The following AHI1 variants were observed in gnomAD, a reference collection of about 807,000 sequenced individuals.
The protein encoded by AHI1 is Abelson helper integration site 1.
AHI1 carries 123 observed loss-of-function variants against 149.3 expected under a neutral mutation model. That is an observed-to-expected ratio of 0.82 (90% confidence interval 0.71 to 0.96). AHI1 has a LOEUF of 0.96. AHI1 is among the 40% of genes least tolerant of loss of function. The pLI, the probability that AHI1 is intolerant of heterozygous loss-of-function variation, is 0.00. For missense variants in AHI1, 1,439 were observed against 1,422.7 expected, an observed-to-expected ratio of 1.01 and a Z score of -0.18; for synonymous variants, 475 against 459.8, an observed-to-expected ratio of 1.03 and a Z score of -0.42.
At chr6:135,429,026 A>G (rs2128010222) in intron 18 of AHI1, among the ~76,000 whole-genome samples, 1 of 151,824 alleles carries the variant, frequency 6.6e-6, no homozygotes, top group African/African-American at 2.4e-5. Context: ...AAAGAAAAAC[A>G]GAAGAGTTCT....
intron 26 of AHI1, chr6:135,302,962 A>G (rs1784074731): frequency 1.1e-5 from 5 of 449,238 alleles, no homozygotes; most frequent in Admixed American, 4.2e-5. Context: ...CTCTTCATGG[A>G]TATCATTGAT....
At chr6:135,302,554 C>A in intron 26 of AHI1, 1 of 1,102,574 alleles carries the variant, frequency 9.1e-7, no homozygotes, top group Non-Finnish European at 1.1e-6. Flanking sequence ...ACTGGCATAC[C>A]CAAATCCTTT....
At chr6:135,473,307 T>C (rs1009010228) in intron 5 of AHI1, among the ~76,000 whole-genome samples, 1 of 152,178 alleles carries the variant, frequency 6.6e-6, no homozygotes, top group African/African-American at 2.4e-5. Context: ...CTGATTTATA[T>C]GCCTATCTTT....
chr6:135,446,884 G>A (rs1562790789), intron 13 of AHI1, 124 bp downstream of exon 13: 1 of 1,026,894 alleles, frequency 9.7e-7, no homozygotes, highest in Non-Finnish European at 1.4e-6. Flanking sequence ...AGGCAAAATT[G>A]TGGTTAAAAA....
chr6:135,388,052 T>C (rs908220451), intron 23 of AHI1: 2 of 1,613,316 alleles, frequency 1.2e-6, no homozygotes, highest in African/African-American at 1.3e-5. Flanking sequence ...CAAATTCTTG[T>C]CGTTAAAAAC....
At chr6:135,394,554 T>C (rs1170287726) in intron 23 of AHI1, 4 of 521,688 alleles carry the variant, frequency 7.7e-6, no homozygotes, top group Non-Finnish European at 1.3e-5. Context: ...AATTATTATC[T>C]GTTAATAGCA....
intron 27 of AHI1, among the ~76,000 whole-genome samples, chr6:135,293,392 C>CAAAAAAAAAA (rs1175955601): frequency 9.9e-5 from 2 of 20,118 alleles, no homozygotes; most frequent in East Asian, 1.4e-3. Flanking sequence ...GTTAACAGGG[C>CAAAAAAAAAA]AAAAAAAAAA....
At chr6:135,421,070 C>A (rs369722756) in intron 20 of AHI1, among the ~76,000 whole-genome samples, 5 of 152,066 alleles carry the variant, frequency 3.3e-5, no homozygotes, top group African/African-American at 1.2e-4. Flanking sequence ...AATGGGAGAA[C>A]GGCTGGTGGG....
chr6:135,488,931 A>T (rs1794862375), intron 5 of AHI1, among the ~76,000 whole-genome samples: 1 of 152,194 alleles, frequency 6.6e-6, no homozygotes. Flanking sequence ...TCAGCAAGTT[A>T]CTTAACTTCT....
intron 20 of AHI1, among the ~76,000 whole-genome samples, chr6:135,425,581 C>T (rs1013791907): frequency 6.6e-6 from 1 of 151,840 alleles, no homozygotes; most frequent in Non-Finnish European, 1.5e-5. Context: ...ATAGTATCTT[C>T]ACAAATACCT....
At chr6:135,353,741 A>C (rs1025031375) in intron 24 of AHI1, among the ~76,000 whole-genome samples, 3 of 152,122 alleles carry the variant, frequency 2.0e-5, no homozygotes, top group African/African-American at 7.2e-5. Flanking sequence ...TTTATGAATA[A>C]GTTTAGTGTT....
At chr6:135,409,003 T>C (rs79530966) in intron 21 of AHI1, among the ~76,000 whole-genome samples, 1 of 152,276 alleles carries the variant, frequency 6.6e-6, no homozygotes, top group Non-Finnish European at 1.5e-5. Context: ...ATACCTGGTT[T>C]ATGTGGTACT....
chr6:135,317,396 TACTC>T (rs545013940), intron 26 of AHI1, among the ~76,000 whole-genome samples: 38 of 151,058 alleles, frequency 2.5e-4, no homozygotes, highest in African/African-American at 8.5e-4. Context: ...TCCCATAACT[TACTC>T]ACGTTATTCC....
In AHI1 at chr6:135,318,561, A is replaced by G. The variant is rs1263326434; in HGVS notation, c.3384T>C (p.Pro1128=). ...EIKERSPPLS[P]EEKTKIEKSP... ...ATTTTTCTATTTTAGTTTTTTCCTC[A>G]GGGCTTAAAGGAGGGGATCGCTCCT... Residue 1128 remains proline (P), a synonymous_variant, in exon 26 of 29, where the codon CCT becomes CCC. Coordinates refer to ENST00000265602, the MANE Select transcript of AHI1 (RefSeq NM_001134831.2). 1 of 1,604,820 alleles carries G rather than the reference A, an allele frequency of 6.2e-7. No homozygotes were observed. The highest frequency in any genetic ancestry group is 1.3e-5 in the African/African-American group (1 of 74,812).
At chr6:135,369,721 C>A (rs146685478) in intron 23 of AHI1, among the ~76,000 whole-genome samples, 1 of 152,200 alleles carries the variant, frequency 6.6e-6, no homozygotes, top group African/African-American at 2.4e-5. Flanking sequence ...TATTGTTTTG[C>A]CCTCCAGTTC....
At chr6:135,482,894 C>CTTTTTTTTTTTTTTCTTTTTTT (rs1793910867) in intron 5 of AHI1, among the ~76,000 whole-genome samples, 1 of 55,734 alleles carries the variant, frequency 1.8e-5, no homozygotes, top group Non-Finnish European at 2.8e-5. Flanking sequence ...CCATTTAAGG[C>CTTTTTTTTTTTTTTCTTTTTTT]TTTTTTTTTT....
intron 22 of AHI1, among the ~76,000 whole-genome samples, chr6:135,404,686 A>G (rs1780505996): frequency 6.6e-6 from 1 of 152,206 alleles, no homozygotes; most frequent in African/African-American, 2.4e-5. Flanking sequence ...GAATGACATG[A>G]CCTTGTTGAT....
intron 5 of AHI1, among the ~76,000 whole-genome samples, chr6:135,489,633 T>C (rs1374100587): frequency 6.6e-6 from 1 of 152,154 alleles, no homozygotes; most frequent in African/African-American, 2.4e-5. Flanking sequence ...CAGCAATCAC[T>C]ATGGGAGTGC....
chr6:135,283,781 G>A lies in AHI1; in HGVS notation c.*1864C>T, dbSNP rs1781462657. 1 of 152,098 alleles carries A rather than the reference G, an allele frequency of 6.6e-6. No individual in the cohort carries two copies. The highest frequency in any genetic ancestry group is 1.5e-5 in the Non-Finnish European group (1 of 68,026). 9.4% of individuals were successfully genotyped at this position (152,098 alleles called of 1,614,324 possible). On this transcript the variant is annotated 3_prime_UTR_variant, in exon 29 of 29. Coordinates refer to ENST00000265602, the MANE Select transcript of AHI1 (RefSeq NM_001134831.2). ...CTTTCAGTAGAGCCAAATTTTCCTG[G>A]TGTTTGCTTCAACTGCTATTTTTCT...
Sources: gnomAD v4.1 joint callset for allele counts (sites outside exome capture counted in the v4.1 genomes callset) on GRCh38, gnomAD v4.1.1 for gene constraint, MANE v1.5 for transcripts, NCBI Gene and HGNC (gene_info 2026-07-23, HGNC 2026-07-21) for gene names.